The following FAT3 variants were observed in gnomAD, a reference collection of about 807,000 sequenced individuals.
FAT3 encodes protocadherin Fat 3.
In FAT3, 95 loss-of-function variants were observed where a neutral mutation model predicts 310.2. That is an observed-to-expected ratio of 0.31 (90% CI 0.26 to 0.36). FAT3 has a LOEUF of 0.36. Ranked by LOEUF, FAT3 falls within the 10% of genes least tolerant of loss-of-function variation. The pLI is 1.00. For synonymous variants in FAT3, 2,314 were observed against 2,192.9 expected (o/e 1.06, Z -1.54); for missense variants, 5,408 against 5,715.6 (o/e 0.95, Z 1.74).
chr11:92,413,262 G>T (rs1266463344), intron 2 of FAT3, among the ~76,000 whole-genome samples: 1 of 152,130 alleles, frequency 6.6e-6, no homozygotes, highest in African/African-American at 2.4e-5. Context: ...GGCCAGACAA[G>T]TGGGGCCCAT....
intron 1 of FAT3, among the ~76,000 whole-genome samples, chr11:92,267,673 C>T (rs1387403613): frequency 6.6e-6 from 1 of 151,928 alleles, no homozygotes; most frequent in Non-Finnish European, 1.5e-5. Context: ...ATTTAAGTTG[C>T]TGAAACATAG....
At chr11:92,635,356 A>AC (rs1351300034) in intron 3 of FAT3, among the ~76,000 whole-genome samples, 3 of 152,192 alleles carry the variant, frequency 2.0e-5, no homozygotes, top group Non-Finnish European at 2.9e-5. Flanking sequence ...AGTTTGTTGA[A>AC]CCAGGCTTCT....
intron 1 of FAT3, among the ~76,000 whole-genome samples, chr11:92,276,085 G>A (rs970988843): frequency 1.3e-5 from 2 of 152,136 alleles, no homozygotes; most frequent in South Asian, 2.1e-4. Context: ...CTGCCAAATT[G>A]TAGTTCTTTG....
chr11:92,397,977 C>T (rs1219625909), intron 2 of FAT3, among the ~76,000 whole-genome samples: 1 of 152,022 alleles, frequency 6.6e-6, no homozygotes. Flanking sequence ...AACTGGGGGG[C>T]TTCAACAGCA....
At chr11:92,746,702 C>T (rs553492617) in intron 4 of FAT3, among the ~76,000 whole-genome samples, 106 of 152,330 alleles carry the variant, frequency 7.0e-4, no homozygotes, top group African/African-American at 2.5e-3. Context: ...AAGTTAGCTA[C>T]TTCCCAGATA....
intron 3 of FAT3, among the ~76,000 whole-genome samples, chr11:92,602,060 G>C (rs576722955): frequency 6.6e-6 from 1 of 151,342 alleles, no homozygotes; most frequent in Non-Finnish European, 1.5e-5. Context: ...AACTACTTAC[G>C]TGTATTACCT....
At chr11:92,538,490 A>G (rs1036847757) in intron 3 of FAT3, among the ~76,000 whole-genome samples, 1 of 152,180 alleles carries the variant, frequency 6.6e-6, no homozygotes, top group East Asian at 1.9e-4. Context: ...CCTTGCACAT[A>G]CAAAGTGCTC....
At chr11:92,425,548 C>G (rs1950614242) in intron 2 of FAT3, among the ~76,000 whole-genome samples, 1 of 152,016 alleles carries the variant, frequency 6.6e-6, no homozygotes, top group African/African-American at 2.4e-5. Flanking sequence ...GCCCCCACCC[C>G]CAACAGGCTC....
rs1947524862 is a variant in FAT3 at position 92,807,065 on chromosome 11, G to T, written c.9247+550G>T. 2.0e-5 allele frequency among the ~76,000 whole-genome samples: 3 copies of T among 152,126 alleles called. No individual in the cohort carries two copies. In the South Asian group the frequency reaches 6.2e-4, roughly 32 times the overall value. On this transcript the variant is annotated intron_variant, in intron 12 of 27. Transcript: ENST00000525166. ...TGTCTGGACATGGTGATGACTTTTA[G>T]TCTCTTTTCTCTTCTCTGGTGGTGA...
At chr11:92,507,194 G>A (rs1050312522) in intron 2 of FAT3, among the ~76,000 whole-genome samples, 2 of 152,168 alleles carry the variant, frequency 1.3e-5, no homozygotes, top group Non-Finnish European at 2.9e-5. Flanking sequence ...AAGGCGGGAT[G>A]TGTGTGTCAG....
intron 2 of FAT3, among the ~76,000 whole-genome samples, chr11:92,422,336 C>T (rs1002693143): frequency 6.6e-6 from 1 of 152,212 alleles, no homozygotes; most frequent in South Asian, 2.1e-4. Context: ...TCTATTTCTG[C>T]CCCTGTTTCT....
At chr11:92,630,832 A>G (rs1396927897) in intron 3 of FAT3, among the ~76,000 whole-genome samples, 2 of 152,176 alleles carry the variant, frequency 1.3e-5, no homozygotes, top group Non-Finnish European at 2.9e-5. Context: ...AACTCCATGA[A>G]TTTAGAAAGT....
chr11:92,272,053 C>T (rs1021657913), intron 1 of FAT3, among the ~76,000 whole-genome samples: 1 of 152,092 alleles, frequency 6.6e-6, no homozygotes, highest in East Asian at 1.9e-4. Context: ...CGTTGTCCTC[C>T]ATCTCCCTTC....
At chr11:92,381,541 T>C (rs1012384380) in intron 2 of FAT3, among the ~76,000 whole-genome samples, 1 of 152,146 alleles carries the variant, frequency 6.6e-6, no homozygotes, top group African/African-American at 2.4e-5. Flanking sequence ...ACTCCTTCCA[T>C]GTGGTGGGTG....
intron 4 of FAT3, among the ~76,000 whole-genome samples, chr11:92,728,914 T>A (rs1945085607): frequency 6.6e-6 from 1 of 152,218 alleles, no homozygotes. Context: ...TCTCCTCATC[T>A]CAAGATCCTT....
At chr11:92,794,694 TA>T (rs1283381548) in intron 9 of FAT3, among the ~76,000 whole-genome samples, 5 of 152,040 alleles carry the variant, frequency 3.3e-5, no homozygotes, top group African/African-American at 1.2e-4. Context: ...ACATCTTTCA[TA>T]AAGAAAACCC....
rs776164271 is a variant in FAT3 at position 92,801,607 on chromosome 11, C to T, written c.8594C>T (p.Ala2865Val). 6.2e-7 allele frequency: 1 copy of T among 1,613,210 alleles called. No individual in the cohort carries two copies. The highest frequency in any genetic ancestry group is 8.5e-7 in the Non-Finnish European group (1 of 1,179,582). ...TCCCAGCCCGAAAAGGTAATGGAAG[C>T]ATTCAATATTGACAGCAACACGGGC... ...SDSQPEKVME[A>V]FNIDSNTGWI... The change falls in exon 10 of 28, where the codon GCA becomes GTA. Residue 2865 changes from alanine to valine, a missense_variant. Transcript: ENST00000525166.
chr11:92,692,134 G>A (rs1228620563), intron 3 of FAT3, among the ~76,000 whole-genome samples: 1 of 151,986 alleles, frequency 6.6e-6, no homozygotes, highest in Non-Finnish European at 1.5e-5. Flanking sequence ...TTTTTAAAAG[G>A]CTATCAGGAA....
chr11:92,230,530 G>A (rs2134226816), intron 1 of FAT3, among the ~76,000 whole-genome samples: 1 of 152,278 alleles, frequency 6.6e-6, no homozygotes, highest in South Asian at 2.1e-4. Context: ...CTGGCCTCAA[G>A]TGATCCACCC....
Sources: allele counts gnomAD v4.1 joint callset (sites outside exome capture counted in the v4.1 genomes callset), GRCh38; gene constraint gnomAD v4.1.1; transcripts MANE v1.5; gene names NCBI Gene and HGNC (gene_info 2026-07-23, HGNC 2026-07-21).